The following SDK1 variants were observed in gnomAD, a reference collection of about 807,000 sequenced individuals.
SDK1 encodes the protein sidekick cell adhesion molecule 1.
In SDK1, 157 loss-of-function variants were observed where a neutral mutation model predicts 245.5. The ratio of observed to expected loss-of-function variants is 0.64; its 90% CI spans 0.56 to 0.73. The LOEUF is 0.73. Ranked by LOEUF, SDK1 falls within the 30% of genes least tolerant of loss-of-function variation. The probability of loss-of-function intolerance (pLI) is 0.00; values close to 1 mark genes in which losing one functional copy is unlikely to be tolerated. For missense variants in SDK1, 3,583 were observed against 3,002.3 expected (o/e 1.19, Z -4.52); for synonymous variants, 1,647 against 1,278.5 (o/e 1.29, Z -6.15).
intron 26 of SDK1, chr7:4,129,630 A>T: frequency 7.7e-7 from 1 of 1,302,152 alleles, no homozygotes; most frequent in Non-Finnish European, 9.8e-7. Context: ...GCATGGCTGC[A>T]GTTGGGCCCT....
intron 44 of SDK1, among the ~76,000 whole-genome samples, chr7:4,259,297 G>C (rs1562488912): frequency 6.6e-6 from 1 of 152,160 alleles, no homozygotes; most frequent in Non-Finnish European, 1.5e-5. Context: ...AAATTAGCCA[G>C]GTGTGGTGGC....
At position 3,632,335 on chromosome 7, in the gene SDK1, C is replaced by G. The variant is rs141129482; in HGVS notation, c.459-6669C>G. Among the ~76,000 whole-genome samples, 24 of 152,238 alleles carry G rather than the reference C, an allele frequency of 1.6e-4. No homozygotes were observed. The East Asian group carries it at 3.7e-3, about 23-fold the overall frequency. Reference sequence around the variant, plus strand: ...TTTATTTTAGAGAAAATCACATAAACGGGAATCCCAGAGGAGGAGTCTTGG... The same window carrying G: ...TTTATTTTAGAGAAAATCACATAAAGGGGAATCCCAGAGGAGGAGTCTTGG... On this transcript the variant is annotated intron_variant, in intron 2 of 44. Coordinates refer to ENST00000404826, the MANE Select transcript of SDK1 (RefSeq NM_152744.4).
intron 4 of SDK1, among the ~76,000 whole-genome samples, chr7:3,696,794 G>A (rs567552079): frequency 1.3e-5 from 2 of 151,762 alleles, no homozygotes; most frequent in Non-Finnish European, 2.9e-5. Flanking sequence ...TGAATTTAGG[G>A]ACTAAAATGT....
At chr7:3,362,740 T>C (rs1780986808) in intron 1 of SDK1, among the ~76,000 whole-genome samples, 1 of 152,202 alleles carries the variant, frequency 6.6e-6, no homozygotes, top group Non-Finnish European at 1.5e-5. Context: ...CAACCAGTTT[T>C]CTTCCCGGAA....
intron 1 of SDK1, among the ~76,000 whole-genome samples, chr7:3,576,642 C>T (rs1342246300): frequency 6.6e-6 from 1 of 151,898 alleles, no homozygotes; most frequent in African/African-American, 2.4e-5. Flanking sequence ...TCATTTTTCT[C>T]CAGTGTAGGC....
intron 4 of SDK1, among the ~76,000 whole-genome samples, chr7:3,744,299 G>T (rs930771621): frequency 6.6e-6 from 1 of 151,690 alleles, no homozygotes; most frequent in Non-Finnish European, 1.5e-5. Context: ...TGCATAGCAC[G>T]TATCACTACC....
At chr7:3,896,027 C>G (rs557409140) in intron 5 of SDK1, among the ~76,000 whole-genome samples, 1 of 152,218 alleles carries the variant, frequency 6.6e-6, no homozygotes, top group Non-Finnish European at 1.5e-5. Flanking sequence ...TCTGTGTGCA[C>G]TTAAAAAGAA....
chr7:3,454,543 C>T (rs1780617098), intron 1 of SDK1, among the ~76,000 whole-genome samples: 1 of 152,092 alleles, frequency 6.6e-6, no homozygotes, highest in Non-Finnish European at 1.5e-5. Flanking sequence ...CATAACTATC[C>T]CTTCCCAATC....
intron 14 of SDK1, among the ~76,000 whole-genome samples, chr7:3,999,524 C>G (rs1400947246): frequency 6.6e-6 from 1 of 152,170 alleles, no homozygotes; most frequent in East Asian, 1.9e-4. Context: ...GGACCCTGAG[C>G]AGAATGTTCA....
chr7:3,371,112 G>A (rs1432425383), intron 1 of SDK1, among the ~76,000 whole-genome samples: 2 of 152,162 alleles, frequency 1.3e-5, no homozygotes, highest in East Asian at 3.8e-4. Context: ...CTGAGTCTCA[G>A]AGCAGGAAGA....
At chr7:4,065,708 T>G (rs1211643968) in intron 19 of SDK1, among the ~76,000 whole-genome samples, 27 of 82,132 alleles carry the variant, frequency 3.3e-4, no homozygotes, top group African/African-American at 3.0e-3. Flanking sequence ...TTTTTTTTTT[T>G]TTTTTTTTTT....
chr7:3,644,688 G>C (rs904252709), intron 4 of SDK1, among the ~76,000 whole-genome samples: 1 of 146,728 alleles, frequency 6.8e-6, no homozygotes, highest in African/African-American at 2.5e-5. Flanking sequence ...TAGGAAGATA[G>C]CTTGAGGCCA....
At chr7:3,723,311 G>A (rs1297900269) in intron 4 of SDK1, among the ~76,000 whole-genome samples, 1 of 152,178 alleles carries the variant, frequency 6.6e-6, no homozygotes, top group Non-Finnish European at 1.5e-5. Context: ...AAAACAGGCA[G>A]CACTTTCCTG....
In SDK1 at chr7:3,827,584, G is replaced by C. The variant is rs377513967; in HGVS notation, c.847+6001G>C. On this transcript the variant is annotated intron_variant, in intron 5 of 44. Transcript: ENST00000404826. ...GTCTACAAAACGAGGTGGGACCTAC[G>C]TGTGTTGTCAGCTGACACTTCATTA... 3.2e-4 allele frequency among the ~76,000 whole-genome samples: 49 copies of C among 152,322 alleles called. No individual in the cohort carries two copies. The East Asian group carries it at 6.8e-3, about 21-fold the overall frequency.
chr7:3,494,285 A>G (rs1454709586), intron 1 of SDK1, among the ~76,000 whole-genome samples: 3 of 152,234 alleles, frequency 2.0e-5, no homozygotes, highest in African/African-American at 4.8e-5. Context: ...GATTAAAGAT[A>G]GCAATTTAGA....
intron 30 of SDK1, among the ~76,000 whole-genome samples, chr7:4,154,727 C>G (rs1416595078): frequency 2.0e-5 from 3 of 152,160 alleles, no homozygotes; most frequent in Admixed American, 2.0e-4. Context: ...CAGCAAGGCT[C>G]TGAGACACTG....
intron 4 of SDK1, among the ~76,000 whole-genome samples, chr7:3,758,456 G>C (rs1780001014): frequency 6.6e-6 from 1 of 151,828 alleles, no homozygotes; most frequent in South Asian, 2.1e-4. Context: ...CTTCTATTTA[G>C]GTTGGTGCAA....
intron 1 of SDK1, among the ~76,000 whole-genome samples, chr7:3,611,297 G>A (rs1388947669): frequency 1.3e-5 from 2 of 152,138 alleles, no homozygotes; most frequent in East Asian, 3.9e-4. Context: ...TTCACTGGAG[G>A]GAGAATTACA....
chr7:3,765,768 AT>A (rs537057465), intron 4 of SDK1, among the ~76,000 whole-genome samples: 39 of 152,158 alleles, frequency 2.6e-4, no homozygotes, highest in Non-Finnish European at 4.7e-4. Context: ...AGGGCATTAT[AT>A]TGATTTTTTT....
Sources: gnomAD v4.1 joint callset for allele counts (sites outside exome capture counted in the v4.1 genomes callset) on GRCh38, gnomAD v4.1.1 for gene constraint, MANE v1.5 for transcripts, NCBI Gene and HGNC (gene_info 2026-07-23, HGNC 2026-07-21) for gene names.